The following DLGAP2 variants were observed in gnomAD, a reference collection of about 807,000 sequenced individuals.
DLGAP2 encodes disks large-associated protein 2.
A neutral mutation model predicts 100.3 loss-of-function variants in DLGAP2; 26 were observed. The ratio of observed to expected loss-of-function variants is 0.26; its 90% confidence interval spans 0.19 to 0.36. DLGAP2 has a LOEUF of 0.36. DLGAP2 is among the 10% of genes least tolerant of loss of function. The pLI, the probability that DLGAP2 is intolerant of heterozygous loss-of-function variation, is 1.00. For synonymous variants in DLGAP2, 886 were observed against 630.1 expected, an observed-to-expected ratio of 1.41 and a Z score of -6.08; for missense variants, 1,858 against 1,453.2, an observed-to-expected ratio of 1.28 and a Z score of -4.53.
At chr8:825,153 C>G (rs1796663022) in intron 1 of DLGAP2, among the ~76,000 whole-genome samples, 1 of 152,160 alleles carries the variant, frequency 6.6e-6, no homozygotes, top group Non-Finnish European at 1.5e-5. Context: ...CCCAAAATGA[C>G]CCCACAGAAC....
chr8:1,232,658 C>G (rs946365896), intron 2 of DLGAP2, among the ~76,000 whole-genome samples: 10 of 152,310 alleles, frequency 6.6e-5, no homozygotes, highest in African/African-American at 2.2e-4. Flanking sequence ...TTTCATTTCT[C>G]CTTGCAAAAT....
chr8:1,574,322 T>G (rs1802876560), intron 6 of DLGAP2, among the ~76,000 whole-genome samples: 1 of 152,086 alleles, frequency 6.6e-6, no homozygotes, highest in African/African-American at 2.4e-5. Flanking sequence ...GCAGGACTTG[T>G]AATACACCAA....
intron 2 of DLGAP2, among the ~76,000 whole-genome samples, chr8:1,204,955 A>G (rs1298678188): frequency 6.6e-6 from 1 of 152,194 alleles, no homozygotes; most frequent in African/African-American, 2.4e-5. Context: ...GTCCTCCAGC[A>G]GGATTAATTC....
chr8:815,336 C>A (rs762443880), intron 1 of DLGAP2, among the ~76,000 whole-genome samples: 1 of 152,132 alleles, frequency 6.6e-6, no homozygotes, highest in Non-Finnish European at 1.5e-5. Flanking sequence ...TTCCCTCAAG[C>A]CTTTTTAGGA....
intron 2 of DLGAP2, chr8:910,399 G>A (rs1563091126): frequency 6.6e-6 from 1 of 152,206 alleles, no homozygotes. Flanking sequence ...ATGCTGTGAA[G>A]CGTCAGAGGG....
chr8:1,343,230 C>T (rs933223455), intron 3 of DLGAP2, among the ~76,000 whole-genome samples: 2 of 152,176 alleles, frequency 1.3e-5, no homozygotes, highest in Non-Finnish European at 2.9e-5. Flanking sequence ...CCGATTAAGT[C>T]CGCCACGGTG....
intron 6 of DLGAP2, among the ~76,000 whole-genome samples, chr8:1,624,869 G>GTC (rs200257386): frequency 3.3e-5 from 5 of 149,666 alleles, no homozygotes; most frequent in African/African-American, 7.4e-5. Flanking sequence ...CTCTCTCTCT[G>GTC]TCTCTCTCTC....
intron 2 of DLGAP2, among the ~76,000 whole-genome samples, chr8:962,751 C>T (rs1799756733): frequency 1.3e-5 from 2 of 152,206 alleles, no homozygotes; most frequent in Non-Finnish European, 1.5e-5. Flanking sequence ...GTGGCCGTAG[C>T]GGCAGGGGTG....
At chr8:1,444,691 C>A (rs546482622) in intron 3 of DLGAP2, among the ~76,000 whole-genome samples, 2 of 151,286 alleles carry the variant, frequency 1.3e-5, no homozygotes, top group East Asian at 3.9e-4. Flanking sequence ...GTGTCACCAT[C>A]TGCAGTCCCC....
At chr8:1,427,250 G>A (rs1797261138) in intron 3 of DLGAP2, among the ~76,000 whole-genome samples, 1 of 152,088 alleles carries the variant, frequency 6.6e-6, no homozygotes, top group African/African-American at 2.4e-5. Context: ...CTCAGAAAAG[G>A]AATTGCTCAA....
At chr8:1,323,115 C>T (rs1357925505) in intron 3 of DLGAP2, among the ~76,000 whole-genome samples, 4 of 151,846 alleles carry the variant, frequency 2.6e-5, no homozygotes, top group South Asian at 2.1e-4. Context: ...ATGCAACCTC[C>T]GCCTCCCAGG....
intron 1 of DLGAP2, among the ~76,000 whole-genome samples, chr8:825,771 G>A (rs1442635550): frequency 1.3e-5 from 2 of 152,082 alleles, no homozygotes; most frequent in African/African-American, 4.8e-5. Context: ...ATACAGGCAT[G>A]CACTTCAAAA....
chr8:1,382,391 G>T lies in DLGAP2; in HGVS notation c.107-118975G>T, dbSNP rs923040267. Among the ~76,000 whole-genome samples the T allele has an allele frequency of 8.5e-5, 13 of 152,214 alleles. 1 individual carries two copies. The highest frequency in any genetic ancestry group is 2.0e-4 in the Admixed American group (3 of 15,276). ...ATCCCCGTGTGAGTGGACTCCAGCA[G>T]TTCCAACCAATGTTGTTCAAGGGCA... On this transcript the variant is annotated intron_variant, in intron 3 of 14. Coordinates refer to ENST00000637795, the MANE Select transcript of DLGAP2 (RefSeq NM_001346810.2).
At chr8:927,134 A>G in intron 2 of DLGAP2, 1 of 985,426 alleles carries the variant, frequency 1.0e-6, no homozygotes. Context: ...ATCGATTGTA[A>G]TTACATGAAG....
chr8:1,112,185 T>C (rs996537108), intron 2 of DLGAP2, among the ~76,000 whole-genome samples: 3 of 152,172 alleles, frequency 2.0e-5, no homozygotes, highest in Admixed American at 6.5e-5. Context: ...TTCATATGCT[T>C]CTTGGCCACA....
Position 750,274 on chromosome 8 carries a change from C to T in DLGAP2, c.18+12449C>T, listed in dbSNP as rs374497492. Among the ~76,000 whole-genome samples, 14 of 152,278 alleles carry T rather than the reference C, an allele frequency of 9.2e-5. No individual in the cohort carries two copies. In the East Asian group the frequency reaches 1.7e-3, roughly 19 times the overall value. ...CTGGCCGTGCCGCATCCTTGCCACA[C>T]GAGGGGAGGTCAAGGCGATTGTGCA... On this transcript the variant is annotated intron_variant, in intron 1 of 14. Transcript: ENST00000637795.
At chr8:1,327,041 A>G (rs1005586863) in intron 3 of DLGAP2, among the ~76,000 whole-genome samples, 1 of 152,242 alleles carries the variant, frequency 6.6e-6, no homozygotes, top group African/African-American at 2.4e-5. Flanking sequence ...AAATGTTTCC[A>G]TTGCGAAAAT....
At chr8:874,674 G>T (rs979827783) in intron 1 of DLGAP2, among the ~76,000 whole-genome samples, 1 of 152,150 alleles carries the variant, frequency 6.6e-6, no homozygotes, top group Non-Finnish European at 1.5e-5. Flanking sequence ...TGAGAAGATC[G>T]TATATTCTGC....
intron 3 of DLGAP2, among the ~76,000 whole-genome samples, chr8:1,310,058 C>CAAAAAAAAA (rs3052029): frequency 1.9e-5 from 2 of 105,708 alleles, no homozygotes; most frequent in Non-Finnish European, 2.0e-5. Context: ...GTCTCCATCT[C>CAAAAAAAAA]AAAAAAAAAA....
Sources: allele counts gnomAD v4.1 joint callset (sites outside exome capture counted in the v4.1 genomes callset), GRCh38; gene constraint gnomAD v4.1.1; transcripts MANE v1.5; gene names NCBI Gene and HGNC (gene_info 2026-07-23, HGNC 2026-07-21).